The following CSRNP3 variants were observed in gnomAD, a reference collection of about 807,000 sequenced individuals.
CSRNP3 encodes cysteine and serine rich nuclear protein 3.
A neutral mutation model predicts 48.0 loss-of-function variants in CSRNP3; 12 were observed. That is an observed-to-expected ratio of 0.25 (90% CI 0.16 to 0.41). The LOEUF is 0.41. Ranked by LOEUF, CSRNP3 falls within the 10% of genes least tolerant of loss-of-function variation. The pLI is 1.00. For synonymous variants in CSRNP3, 263 were observed against 269.7 expected (o/e 0.98, Z 0.24); for missense variants, 580 against 724.4 (o/e 0.80, Z 2.29).
At chr2:165,620,195 G>A (rs1457297907) in intron 4 of CSRNP3, among the ~76,000 whole-genome samples, 1 of 152,102 alleles carries the variant, frequency 6.6e-6, no homozygotes, top group Non-Finnish European at 1.5e-5. Flanking sequence ...TATATAGCCA[G>A]AGCTTATGTC....
intron 4 of CSRNP3, among the ~76,000 whole-genome samples, chr2:165,649,064 G>A (rs1573942931): frequency 6.6e-6 from 1 of 152,114 alleles, no homozygotes; most frequent in East Asian, 1.9e-4. Context: ...AATGGATGAC[G>A]ACGTGACATG....
intron 1 of CSRNP3, among the ~76,000 whole-genome samples, chr2:165,482,307 A>C (rs1475948979): frequency 2.7e-5 from 4 of 148,764 alleles, no homozygotes; most frequent in African/African-American, 7.5e-5. Context: ...TCTGTTGCCC[A>C]GGCTGGAGTG....
chr2:165,562,476 G>T (rs1685246624), intron 3 of CSRNP3, among the ~76,000 whole-genome samples: 1 of 152,112 alleles, frequency 6.6e-6, no homozygotes. Context: ...GTTGTTGGGG[G>T]AGAAAAAGTG....
At position 165,483,989 on chromosome 2, in the gene CSRNP3, T is replaced by G. The variant is rs77576280; in HGVS notation, c.-282-10770T>G. On this transcript the variant is annotated intron_variant, in intron 1 of 6. Coordinates refer to ENST00000651982, the MANE Select transcript of CSRNP3 (RefSeq NM_001172173.2). Reference sequence around the variant, plus strand: ...GCATTCTATTGAATAAATATAGCAATTGTAACAATTCTTATCTTAGGAATG... The same window carrying G: ...GCATTCTATTGAATAAATATAGCAAGTGTAACAATTCTTATCTTAGGAATG... Among the ~76,000 whole-genome samples the G allele has an allele frequency of 4.7e-3, 713 of 152,326 alleles. 7 individuals are homozygous for G. Among genetic ancestry groups the G allele is most frequent in the African/African-American group, 0.016 (677 of 41,576 alleles).
intron 4 of CSRNP3, among the ~76,000 whole-genome samples, chr2:165,641,905 C>CTCT (rs1255313600): frequency 6.6e-6 from 1 of 152,074 alleles, no homozygotes; most frequent in Admixed American, 6.6e-5. Context: ...GAAATATAAA[C>CTCT]TCTTAAAATG....
intron 1 of CSRNP3, among the ~76,000 whole-genome samples, chr2:165,474,016 G>A (rs571315279): frequency 6.6e-6 from 1 of 151,998 alleles, no homozygotes; most frequent in South Asian, 2.1e-4. Flanking sequence ...AAGCATGCAT[G>A]TGACTTATTT....
At chr2:165,588,257 G>A (rs1371321966) in intron 3 of CSRNP3, among the ~76,000 whole-genome samples, 1 of 152,214 alleles carries the variant, frequency 6.6e-6, no homozygotes, top group Non-Finnish European at 1.5e-5. Flanking sequence ...AAGGCCAGTG[G>A]CTCAAATGAG....
chr2:165,647,783 G>C (rs1465851703), intron 4 of CSRNP3, among the ~76,000 whole-genome samples: 2 of 152,044 alleles, frequency 1.3e-5, no homozygotes, highest in Admixed American at 1.3e-4. Flanking sequence ...TTATAAATAG[G>C]CTTTTCATTA....
chr2:165,553,968 A>C (rs899738390), intron 3 of CSRNP3, among the ~76,000 whole-genome samples: 18 of 152,198 alleles, frequency 1.2e-4, no homozygotes, highest in African/African-American at 3.6e-4. Context: ...TCCTTCAAAG[A>C]GCTATTTATC....
chr2:165,554,864 C>T (rs1330235995), intron 3 of CSRNP3, among the ~76,000 whole-genome samples: 4 of 152,176 alleles, frequency 2.6e-5, no homozygotes, highest in Non-Finnish European at 5.9e-5. Flanking sequence ...TTACAATTGC[C>T]TGCAAATTAT....
chr2:165,511,999 C>A (rs1176607515), intron 2 of CSRNP3, among the ~76,000 whole-genome samples: 2 of 152,004 alleles, frequency 1.3e-5, no homozygotes, highest in African/African-American at 4.8e-5. Context: ...GAAAGACTAG[C>A]ATGATGAATA....
intron 5 of CSRNP3, among the ~76,000 whole-genome samples, chr2:165,673,131 CTTTTTT>C (rs3032370): frequency 4.5e-5 from 3 of 67,124 alleles, no homozygotes; most frequent in South Asian, 6.6e-4. Context: ...GTATGTAGCT[CTTTTTT>C]TTTTTTTTTT....
intron 3 of CSRNP3, among the ~76,000 whole-genome samples, chr2:165,566,110 A>C (rs1043741053): frequency 6.6e-6 from 1 of 151,982 alleles, no homozygotes; most frequent in Non-Finnish European, 1.5e-5. Context: ...AATAAAACTC[A>C]GTCGTAATCA....
rs368440122 is a variant in CSRNP3, at chr2:165,574,320, G to A, written c.-23-20723G>A. On this transcript the variant is annotated intron_variant, in intron 3 of 6. Transcript: ENST00000651982. ...GCTGGATCAGTTGCCTGAAAAAAAT[G>A]TACTGGGGTTCTCTGCAGCAGTGTT... 35 of 1,511,724 alleles carry A rather than the reference G, an allele frequency of 2.3e-5. No individual in the cohort carries two copies. In the East Asian group the frequency reaches 5.7e-4, roughly 24 times the overall value. The allele number at this position is 1,511,724 out of a possible 1,614,324, so 93.6% of individuals were successfully genotyped here.
intron 1 of CSRNP3, among the ~76,000 whole-genome samples, chr2:165,487,840 C>T (rs1684143611): frequency 6.8e-6 from 1 of 147,480 alleles, no homozygotes; most frequent in Non-Finnish European, 1.5e-5. Context: ...GCTGCAAAAT[C>T]ATGCCAAAAT....
intron 5 of CSRNP3, among the ~76,000 whole-genome samples, chr2:165,673,162 G>A (rs80176968): frequency 0.018 from 1,036 of 56,932 alleles, 9 homozygotes; most frequent in Middle Eastern, 0.14. Context: ...TTTTGAGACA[G>A]GGCATCACTC....
Position 165,575,089 on chromosome 2 carries a change from T to G in CSRNP3, c.-23-19954T>G, listed in dbSNP as rs542470958. 3.0e-4 allele frequency among the ~76,000 whole-genome samples: 45 copies of G among 152,298 alleles called. 1 individual carries two copies. Among genetic ancestry groups the G allele is most frequent in the African/African-American group, 1.0e-3 (43 of 41,576 alleles). ...TGAATTTAACGTGTTCAACTTCCTA[T>G]GACTTTTCCTTTCAGTTAAGTCTGC... On this transcript the variant is annotated intron_variant, in intron 3 of 6. Transcript: ENST00000651982.
At chr2:165,543,858 A>G (rs958083474) in intron 3 of CSRNP3, among the ~76,000 whole-genome samples, 1 of 152,134 alleles carries the variant, frequency 6.6e-6, no homozygotes, top group African/African-American at 2.4e-5. Context: ...CTGAGCTTCA[A>G]CTATATGCAA....
At chr2:165,604,732 T>G (rs1434086312) in intron 4 of CSRNP3, among the ~76,000 whole-genome samples, 1 of 152,186 alleles carries the variant, frequency 6.6e-6, no homozygotes, top group Non-Finnish European at 1.5e-5. Flanking sequence ...GTCTGAGTTG[T>G]TTTCACCTTC....
Sources: allele counts gnomAD v4.1 joint callset (sites outside exome capture counted in the v4.1 genomes callset), GRCh38; gene constraint gnomAD v4.1.1; transcripts MANE v1.5; gene names NCBI Gene and HGNC (gene_info 2026-07-23, HGNC 2026-07-21).